The following PRR5L variants were observed in gnomAD, a reference collection of about 807,000 sequenced individuals.
PRR5L encodes proline rich 5 like, also known as proline-rich protein 5-like.
PRR5L carries 21 observed loss-of-function variants against 36.4 expected under a neutral mutation model. That is an observed-to-expected ratio of 0.58 (90% CI 0.41 to 0.83). The LOEUF (loss-of-function observed/expected upper bound fraction) is 0.83, where lower values mean the gene tolerates loss of function less well. Ranked by LOEUF, PRR5L falls within the 40% of genes least tolerant of loss-of-function variation. PRR5L has a pLI of 0.00. For synonymous variants in PRR5L, 188 were observed against 197.0 expected (o/e 0.95, Z 0.38); for missense variants, 381 against 473.3 (o/e 0.80, Z 1.81).
intron 1 of PRR5L, among the ~76,000 whole-genome samples, chr11:36,369,437 AG>A (rs1203072799): frequency 6.6e-6 from 1 of 152,158 alleles, no homozygotes; most frequent in Non-Finnish European, 1.5e-5. Context: ...CACCTGATAC[AG>A]GTCTAGGACA....
intron 4 of PRR5L, among the ~76,000 whole-genome samples, 156 bp from the exon 5 acceptor site, chr11:36,431,697 C>T (rs746762): frequency 2.6e-5 from 4 of 151,936 alleles, no homozygotes; most frequent in Non-Finnish European, 4.4e-5. Context: ...GAAGCCTTAA[C>T]CTTCCAAGAG....
At chr11:36,342,943 C>G (rs952686120) in intron 1 of PRR5L, among the ~76,000 whole-genome samples, 1 of 152,212 alleles carries the variant, frequency 6.6e-6, no homozygotes, top group Non-Finnish European at 1.5e-5. Context: ...CTGGATAGAA[C>G]TGCTTTAGAA....
At position 36,355,361 on chromosome 11, in the gene PRR5L, A is replaced by T. The variant is rs114486418; in HGVS notation, c.-125-45636A>T. ...AACTCACATTTACTGAGAATGCAAT[A>T]TGTGGCAGACAGTTCTAAGCATATT... On this transcript the variant is annotated intron_variant, in intron 1 of 8. Transcript: ENST00000530639. 3.1e-3 allele frequency among the ~76,000 whole-genome samples: 465 copies of T among 152,332 alleles called. 2 individuals carry two copies. Among genetic ancestry groups the T allele is most frequent in the African/African-American group, 0.011 (455 of 41,570 alleles).
At position 36,344,366 on chromosome 11, in the gene PRR5L, C is replaced by T. The variant is rs1010719325; in HGVS notation, c.-126+47928C>T. Among the ~76,000 whole-genome samples the T allele has an allele frequency of 6.6e-6, 1 of 152,158 alleles. No homozygotes were observed. Among genetic ancestry groups the T allele is most frequent in the Non-Finnish European group, 1.5e-5 (1 of 68,032 alleles). Reference sequence around the variant, plus strand: ...CCATGCACATTTAGTTGAGATTGCACTGTATTTACAGTTTTGTGTTTTGCT... The same window carrying T: ...CCATGCACATTTAGTTGAGATTGCATTGTATTTACAGTTTTGTGTTTTGCT... On this transcript the variant is annotated intron_variant, in intron 1 of 8. Transcript: ENST00000530639. The surrounding 1 kb of genome is among the most constrained non-coding windows in gnomAD (Gnocchi z 4.1).
At chr11:36,418,086 G>C (rs1171239391) in intron 3 of PRR5L, among the ~76,000 whole-genome samples, 6 of 152,180 alleles carry the variant, frequency 3.9e-5, no homozygotes, top group Admixed American at 3.9e-4. Context: ...AAATCATCTT[G>C]TGAGTATATT....
rs1376681630 is a variant in PRR5L at position 36,296,380 on chromosome 11, T to C, written c.-184T>C. 1 of 152,108 alleles carries C rather than the reference T, an allele frequency of 6.6e-6. No homozygotes were observed. The highest frequency in any genetic ancestry group is 1.5e-5 in the Non-Finnish European group (1 of 68,050). The allele number at this position is 152,108 out of a possible 1,614,324, so 9.4% of individuals were successfully genotyped here. On this transcript the variant is annotated 5_prime_UTR_variant, in exon 1 of 9. It removes an upstream start codon present in the reference 5' UTR. Transcript: ENST00000530639. ...CCCTTCTCGGGAGGCTGGAAGGCCA[T>C]GGTCATTCACCTCTCCCCAGCAAGG...
intron 3 of PRR5L, among the ~76,000 whole-genome samples, chr11:36,405,972 A>T (rs540776269): frequency 1.3e-5 from 2 of 152,112 alleles, no homozygotes; most frequent in African/African-American, 4.8e-5. Context: ...AATCCCATCA[A>T]ATTGGGGGTT....
At chr11:36,323,421 T>C (rs995485788) in intron 1 of PRR5L, 4 of 152,244 alleles carry the variant, frequency 2.6e-5, no homozygotes, top group Non-Finnish European at 5.9e-5. Context: ...TCGTCTCTGC[T>C]TTAGTCCTCT....
chr11:36,339,132 T>C (rs192880686), intron 1 of PRR5L, among the ~76,000 whole-genome samples: 66 of 152,328 alleles, frequency 4.3e-4, no homozygotes, highest in Non-Finnish European at 6.9e-4. Context: ...AATTGCCCAG[T>C]CTCAGGTATG....
chr11:36,435,506 G>C (rs377102845), intron 5 of PRR5L, among the ~76,000 whole-genome samples: 1 of 152,180 alleles, frequency 6.6e-6, no homozygotes, highest in South Asian at 2.1e-4. Flanking sequence ...AAGATAAACA[G>C]AAGTAGGTTA....
chr11:36,298,459 A>G (rs1301736164), intron 1 of PRR5L, among the ~76,000 whole-genome samples: 1 of 152,210 alleles, frequency 6.6e-6, no homozygotes, highest in Admixed American at 6.5e-5. Flanking sequence ...GTGACAGATC[A>G]TCAGGCATTA....
At chr11:36,329,616 G>C (rs554459247) in intron 1 of PRR5L, among the ~76,000 whole-genome samples, 1 of 152,178 alleles carries the variant, frequency 6.6e-6, no homozygotes, top group East Asian at 1.9e-4. Context: ...ATATGGCCTG[G>C]TCATTTATTT....
chr11:36,424,826 GT>G lies in PRR5L; in HGVS notation c.294+5536del, dbSNP rs74457355. 5.4e-3 allele frequency among the ~76,000 whole-genome samples: 769 copies of G among 142,968 alleles called. 4 individuals are homozygous for G. The highest frequency in any genetic ancestry group is 0.015 in the African/African-American group (578 of 39,316). 93.8% of individuals were successfully genotyped at this position (142,968 alleles called of 152,430 possible). On this transcript the variant is annotated intron_variant, in intron 4 of 8. Transcript: ENST00000530639. The stretch of plus-strand genomic sequence containing the variant: ...TCTGGGGTTAGGGCCCAAGTGATCT[GT>G]TTTTTTTTTTTTAGACAAAGTCTTG...
At chr11:36,455,847 G>T (rs2133632494) in intron 8 of PRR5L, among the ~76,000 whole-genome samples, 1 of 152,348 alleles carries the variant, frequency 6.6e-6, no homozygotes, top group East Asian at 1.9e-4. Context: ...CTTGGCTCTG[G>T]AGTCTGGCGG....
At chr11:36,459,214 G>A (rs1403933239) in intron 8 of PRR5L, among the ~76,000 whole-genome samples, 9 of 152,212 alleles carry the variant, frequency 5.9e-5, no homozygotes, top group African/African-American at 2.2e-4. Flanking sequence ...ACCAGGCCTA[G>A]GTGGCAGAGG....
At chr11:36,346,683 G>A (rs2133484698) in intron 1 of PRR5L, among the ~76,000 whole-genome samples, 1 of 152,128 alleles carries the variant, frequency 6.6e-6, no homozygotes, top group East Asian at 1.9e-4. Flanking sequence ...AATAATAGAC[G>A]AAACTGTGGA....
intron 1 of PRR5L, chr11:36,398,800 G>GA (rs1292545067): frequency 2.0e-5 from 3 of 152,250 alleles, no homozygotes; most frequent in Non-Finnish European, 2.9e-5. Flanking sequence ...CAGTTTCCTG[G>GA]AGAAGTGGAT....
At chr11:36,455,969 A>G (rs955963961) in intron 8 of PRR5L, among the ~76,000 whole-genome samples, 1 of 152,198 alleles carries the variant, frequency 6.6e-6, no homozygotes, top group African/African-American at 2.4e-5. Context: ...TCCACCCAGA[A>G]AGTAGAAGGA....
At chr11:36,426,768 A>G (rs542492782) in intron 4 of PRR5L, among the ~76,000 whole-genome samples, 1 of 152,374 alleles carries the variant, frequency 6.6e-6, no homozygotes, top group South Asian at 2.1e-4. Flanking sequence ...CTCCACTGAC[A>G]TTCTTACTGC....
Sources: gnomAD v4.1 joint callset for allele counts (sites outside exome capture counted in the v4.1 genomes callset) on GRCh38, gnomAD v4.1.1 for gene constraint, Gnocchi (gnomAD v3.1) non-coding constraint, MANE v1.5 for transcripts, NCBI Gene and HGNC (gene_info 2026-07-23, HGNC 2026-07-21) for gene names.